IL36B: variants seen among roughly 807,000 people sequenced by gnomAD.
The protein encoded by IL36B is interleukin-36 beta.
IL36B carries 23 observed loss-of-function variants against 19.3 expected under a neutral mutation model. The observed-to-expected ratio is 1.19, with a 90% CI of 0.86 to 1.69. The LOEUF (loss-of-function observed/expected upper bound fraction) is 1.69, where lower values mean the gene tolerates loss of function less well. IL36B is among the 40% of genes most tolerant of loss of function. The pLI, the probability that IL36B is intolerant of heterozygous loss-of-function variation, is 0.00. For missense variants in IL36B, 217 were observed against 200.5 expected (o/e 1.08, Z -0.50); for synonymous variants, 59 against 59.7 (o/e 0.99, Z 0.05).
At chr2:113,025,971 T>A in intron 5 of IL36B, 1 of 1,387,606 alleles carries the variant, frequency 7.2e-7, no homozygotes. Flanking sequence ...CAATTCAGGA[T>A]GTATTCTTGA....
intron 1 of IL36B, among the ~76,000 whole-genome samples, chr2:113,043,057 T>C (rs762767087): frequency 6.6e-6 from 1 of 152,148 alleles, no homozygotes; most frequent in Non-Finnish European, 1.5e-5. Context: ...GTAGGCTTTT[T>C]GTTTTGGTCA....
In IL36B at chr2:113,031,740, A is replaced by G. The variant is rs751697208; in HGVS notation, c.-31T>C. ...CTTCAGAGCCTTTTGTGAAGAGAAC[A>G]AGATAGATCAGATGGTGGTGAGGAG... is the stretch of plus-strand genomic sequence containing the variant. On this transcript the variant is annotated 5_prime_UTR_variant, in exon 2 of 6. Coordinates refer to ENST00000259213, the MANE Select transcript of IL36B (RefSeq NM_014438.5). The G allele has an allele frequency of 1.3e-6, 2 of 1,577,164 alleles. No individual in the cohort carries two copies. The highest frequency in any genetic ancestry group is 1.7e-6 in the Non-Finnish European group (2 of 1,147,724).
chr2:113,022,858 G>C, intron 5 of IL36B: 1 of 918,376 alleles, frequency 1.1e-6, no homozygotes, highest in Non-Finnish European at 1.8e-6. Flanking sequence ...GGGCTAAAAG[G>C]GCAGATTCTA....
At position 113,031,736 on chromosome 2, in the gene IL36B, G is replaced by T. The variant is rs758381523; in HGVS notation, c.-27C>A. On this transcript the variant is annotated 5_prime_UTR_variant, in exon 2 of 6. Coordinates refer to ENST00000259213, the MANE Select transcript of IL36B (RefSeq NM_014438.5). ...ATGTCTTCAGAGCCTTTTGTGAAGA[G>T]AACAAGATAGATCAGATGGTGGTGA... 6.3e-7 allele frequency: 1 copy of T among 1,591,216 alleles called. No individual in the cohort carries two copies. The highest frequency in any genetic ancestry group is 8.6e-7 in the Non-Finnish European group (1 of 1,160,006).
chr2:113,041,574 G>C (rs1685258135), intron 1 of IL36B, among the ~76,000 whole-genome samples: 1 of 54,158 alleles, frequency 1.8e-5, no homozygotes, highest in African/African-American at 2.3e-4. Context: ...AAATAACCAT[G>C]AAAGAAATAA....
chr2:113,037,822 T>G (rs182766832), intron 1 of IL36B, among the ~76,000 whole-genome samples: 73 of 152,340 alleles, frequency 4.8e-4, no homozygotes, highest in African/African-American at 1.7e-3. Context: ...AACCATCAGA[T>G]TCTATGCTGT....
intron 1 of IL36B, among the ~76,000 whole-genome samples, chr2:113,038,261 CT>C (rs1278858841): frequency 6.6e-6 from 1 of 152,196 alleles, no homozygotes; most frequent in East Asian, 1.9e-4. Context: ...AACAGGACCC[CT>C]GGACCAGATC....
intron 1 of IL36B, among the ~76,000 whole-genome samples, chr2:113,050,363 G>T (rs1379308563): frequency 5.3e-5 from 8 of 151,746 alleles, no homozygotes; most frequent in Non-Finnish European, 8.8e-5. Flanking sequence ...AAAAAATACC[G>T]TGTAATTCCA....
intron 3 of IL36B, among the ~76,000 whole-genome samples, chr2:113,030,816 T>A (rs944883614): frequency 6.6e-6 from 1 of 152,160 alleles, no homozygotes; most frequent in Admixed American, 6.5e-5. Context: ...AATCTGAAGA[T>A]ATTTTCTTTT....
At chr2:113,027,951 C>T in intron 4 of IL36B, 1 of 1,614,152 alleles carries the variant, frequency 6.2e-7, no homozygotes, top group Non-Finnish European at 8.5e-7. Context: ...TTATGCCTCT[C>T]TCCTTGGTGA....
intron 1 of IL36B, among the ~76,000 whole-genome samples, chr2:113,041,160 C>CAAAAAA (rs59180859): frequency 1.4e-5 from 2 of 143,494 alleles, no homozygotes; most frequent in African/African-American, 5.2e-5. Flanking sequence ...TTGCCACACA[C>CAAAAAA]AAAAAAAAAG....
In IL36B at chr2:113,052,854, G is replaced by C. The variant is rs751770073; in HGVS notation, c.-95C>G. On this transcript the variant is annotated 5_prime_UTR_variant, in exon 1 of 6. Transcript: ENST00000259213. ...AAGGAGAGGTGAGAAAGACAGAGTG[G>C]GGAGGAACCCGTGTCTGTGGGTTTG... 6.6e-6 allele frequency: 1 copy of C among 152,266 alleles called. No individual in the cohort carries two copies. Among genetic ancestry groups the C allele is most frequent in the Non-Finnish European group, 1.5e-5 (1 of 68,066 alleles). The allele number at this position is 152,266 out of a possible 1,614,324, so 9.4% of individuals were successfully genotyped here. A position where few individuals can be genotyped will look rare whatever the true frequency, so the allele number is the denominator to read the frequency against.
chr2:113,023,168 C>T (rs1684892959), intron 5 of IL36B, among the ~76,000 whole-genome samples: 1 of 152,198 alleles, frequency 6.6e-6, no homozygotes, highest in Admixed American at 6.5e-5. Flanking sequence ...ACCTACCAAC[C>T]TTCAACATTT....
Position 113,022,574 on chromosome 2 carries a change from G to A in IL36B, c.*100C>T, listed in dbSNP as rs1487254999. On this transcript the variant is annotated 3_prime_UTR_variant, in exon 6 of 6. Transcript: ENST00000259213. ...GTTTTACAAACTCTCCAGAACCCAA[G>A]AAAAGAGAAAAATTTCTGCAACTTA... 2 of 772,056 alleles carry A rather than the reference G, an allele frequency of 2.6e-6. No individual in the cohort carries two copies. The highest frequency in any genetic ancestry group is 1.6e-5 in the South Asian group (1 of 61,752). The allele number at this position is 772,056 out of a possible 1,614,324, so 47.8% of individuals were successfully genotyped here. A position where few individuals can be genotyped will look rare whatever the true frequency, so the allele number is the denominator to read the frequency against.
chr2:113,047,203 C>T (rs552261559), intron 1 of IL36B, among the ~76,000 whole-genome samples: 1 of 152,268 alleles, frequency 6.6e-6, no homozygotes, highest in East Asian at 1.9e-4. Context: ...CTTTTTGTTA[C>T]AACAACATGC....
rs1271814224 is a variant in IL36B at position 113,031,037 on chromosome 2, T to G, written c.121+11A>C. 1 of 1,581,378 alleles carries G rather than the reference T, an allele frequency of 6.3e-7. No individual in the cohort carries two copies. On this transcript the variant is annotated intron_variant, in intron 3 of 5. Coordinates refer to ENST00000259213, the MANE Select transcript of IL36B (RefSeq NM_014438.5). ...CCTCAAGAAGCAACAGTGGGTTTGA[T>G]TGTCACTCACCAGGCTTAATGCTGC...
chr2:113,051,111 C>T (rs973354485), intron 1 of IL36B, among the ~76,000 whole-genome samples: 1 of 152,230 alleles, frequency 6.6e-6, no homozygotes, highest in South Asian at 2.1e-4. Flanking sequence ...GAGAGCGCCC[C>T]CTGCCGGTAG....
At chr2:113,024,273 T>C (rs116796199) in intron 5 of IL36B, among the ~76,000 whole-genome samples, 3 of 152,248 alleles carry the variant, frequency 2.0e-5, no homozygotes, top group Non-Finnish European at 4.4e-5. Context: ...GAGTATCTCA[T>C]AGGCTGGAAA....
chr2:113,027,623 T>G, intron 4 of IL36B: 3 of 1,242,130 alleles, frequency 2.4e-6, no homozygotes, highest in Non-Finnish European at 2.0e-6. Context: ...ATTTGGGGGG[T>G]TGACTAAACT....
Sources: allele counts gnomAD v4.1 joint callset (sites outside exome capture counted in the v4.1 genomes callset), GRCh38; gene constraint gnomAD v4.1.1; transcripts MANE v1.5; gene names NCBI Gene and HGNC (gene_info 2026-07-23, HGNC 2026-07-21).